The following SPOCK1 variants were observed in gnomAD, a reference collection of about 807,000 sequenced individuals.
SPOCK1 encodes testican-1.
A neutral mutation model predicts 55.3 loss-of-function variants in SPOCK1; 23 were observed. The ratio of observed to expected loss-of-function variants is 0.42; its 90% CI spans 0.30 to 0.59. SPOCK1 has a LOEUF of 0.59. Ranked by LOEUF, SPOCK1 falls within the 20% of genes least tolerant of loss-of-function variation. SPOCK1 has a pLI of 0.22. For synonymous variants in SPOCK1, 226 were observed against 221.0 expected, an observed-to-expected ratio of 1.02 and a Z score of -0.20; for missense variants, 499 against 552.5, an observed-to-expected ratio of 0.90 and a Z score of 0.97.
intron 2 of SPOCK1, among the ~76,000 whole-genome samples, chr5:137,297,908 T>C (rs1757519013): frequency 6.6e-6 from 1 of 152,094 alleles, no homozygotes; most frequent in African/African-American, 2.4e-5. Flanking sequence ...AAGAGCGTGG[T>C]ACAATTTCAA....
chr5:137,384,527 C>T (rs986950011), intron 2 of SPOCK1, among the ~76,000 whole-genome samples: 2 of 150,666 alleles, frequency 1.3e-5, no homozygotes, highest in African/African-American at 2.5e-5. Flanking sequence ...TACATGCATG[C>T]ATGCATATGT....
chr5:137,391,137 C>A (rs775586377), intron 2 of SPOCK1, among the ~76,000 whole-genome samples: 2 of 152,042 alleles, frequency 1.3e-5, no homozygotes, highest in African/African-American at 4.8e-5. Flanking sequence ...CACTTATGAG[C>A]GAGAACACGC....
At chr5:137,070,574 T>A (rs1020501430) in intron 5 of SPOCK1, among the ~76,000 whole-genome samples, 1 of 152,194 alleles carries the variant, frequency 6.6e-6, no homozygotes. Context: ...TGCTTACCAA[T>A]CTGCCTGCAC....
intron 2 of SPOCK1, among the ~76,000 whole-genome samples, chr5:137,292,453 A>C (rs1250238618): frequency 4.9e-4 from 69 of 141,166 alleles, no homozygotes; most frequent in African/African-American, 1.7e-3. Flanking sequence ...AAAAAAAAAA[A>C]AAAAAAAAAA....
At chr5:137,460,226 G>A (rs1753453313) in intron 2 of SPOCK1, among the ~76,000 whole-genome samples, 2 of 152,160 alleles carry the variant, frequency 1.3e-5, no homozygotes, top group South Asian at 4.1e-4. Context: ...TGGAGAATGA[G>A]CAATGGCTCA....
chr5:137,209,718 G>A (rs1755576874), intron 3 of SPOCK1, among the ~76,000 whole-genome samples: 1 of 152,168 alleles, frequency 6.6e-6, no homozygotes, highest in Non-Finnish European at 1.5e-5. Context: ...CAATGGCCAG[G>A]AAAGTTACAT....
intron 6 of SPOCK1, among the ~76,000 whole-genome samples, chr5:137,065,043 C>T (rs1752479785): frequency 6.6e-6 from 1 of 152,028 alleles, no homozygotes; most frequent in South Asian, 2.1e-4. Flanking sequence ...GCCTGAGCAA[C>T]ATGGCGAAAC....
At chr5:137,413,741 C>G (rs1478839987) in intron 2 of SPOCK1, among the ~76,000 whole-genome samples, 1 of 152,194 alleles carries the variant, frequency 6.6e-6, no homozygotes, top group Non-Finnish European at 1.5e-5. Flanking sequence ...AGGCTTCTGC[C>G]TCTATACAAA....
At chr5:137,465,594 A>G (rs1753602472) in intron 2 of SPOCK1, among the ~76,000 whole-genome samples, 1 of 152,092 alleles carries the variant, frequency 6.6e-6, no homozygotes, top group African/African-American at 2.4e-5. Flanking sequence ...ATCTGAAGCA[A>G]CATTTCAAAT....
At chr5:137,442,240 C>T (rs1338607094) in intron 2 of SPOCK1, among the ~76,000 whole-genome samples, 1 of 152,272 alleles carries the variant, frequency 6.6e-6, no homozygotes, top group East Asian at 1.9e-4. Flanking sequence ...GTCATGCTAG[C>T]CCTTACGAGT....
intron 2 of SPOCK1, among the ~76,000 whole-genome samples, chr5:137,367,311 A>C (rs1245911034): frequency 6.6e-6 from 1 of 152,192 alleles, no homozygotes; most frequent in Non-Finnish European, 1.5e-5. Context: ...ACCATCCCTG[A>C]ACAGTCACAC....
At chr5:137,089,786 A>G (rs1400628561) in intron 5 of SPOCK1, among the ~76,000 whole-genome samples, 3 of 152,216 alleles carry the variant, frequency 2.0e-5, no homozygotes, top group Admixed American at 2.0e-4. Context: ...TGTATTCTCA[A>G]TTGAGAATAC....
intron 6 of SPOCK1, among the ~76,000 whole-genome samples, chr5:137,030,959 C>G (rs1244778119): frequency 6.6e-6 from 1 of 152,184 alleles, no homozygotes; most frequent in African/African-American, 2.4e-5. Flanking sequence ...GGTTCCAAGG[C>G]ACTACCTATA....
At chr5:137,089,538 C>A (rs1753018253) in intron 5 of SPOCK1, among the ~76,000 whole-genome samples, 1 of 152,184 alleles carries the variant, frequency 6.6e-6, no homozygotes, top group Non-Finnish European at 1.5e-5. Flanking sequence ...ACCTGGGGAA[C>A]TGTGCTGCTG....
intron 6 of SPOCK1, among the ~76,000 whole-genome samples, chr5:137,041,401 C>T (rs1561588411): frequency 6.6e-6 from 1 of 152,096 alleles, no homozygotes; most frequent in African/African-American, 2.4e-5. Context: ...GGAAAAAAAT[C>T]TATGTGATCT....
At position 137,194,370 on chromosome 5, in the gene SPOCK1, G is replaced by A. The variant is rs984125833; in HGVS notation, c.233-53676C>T. ...GCATTAGTCAAAGAAGTGAAAGAGC[G>A]TTTCAGGGAAAGGGAACAGCTCGTA... is the stretch of plus-strand genomic sequence containing the variant. On this transcript the variant is annotated intron_variant, in intron 3 of 10. Transcript: ENST00000394945. 1.6e-4 allele frequency among the ~76,000 whole-genome samples: 24 copies of A among 152,182 alleles called. 1 individual carries two copies. The highest frequency in any genetic ancestry group is 2.8e-4 in the Non-Finnish European group (19 of 68,048).
At chr5:137,219,711 G>A (rs1755809101) in intron 3 of SPOCK1, among the ~76,000 whole-genome samples, 1 of 152,212 alleles carries the variant, frequency 6.6e-6, no homozygotes, top group Non-Finnish European at 1.5e-5. Flanking sequence ...CATGATCAAA[G>A]TATTCACTGA....
chr5:137,488,895 G>C (rs528614384), intron 2 of SPOCK1, among the ~76,000 whole-genome samples: 19 of 152,252 alleles, frequency 1.2e-4, no homozygotes, highest in Non-Finnish European at 2.2e-4. Flanking sequence ...ACAAATCCTT[G>C]TATAATATGT....
chr5:137,494,201 G>A (rs1454622709), intron 2 of SPOCK1, among the ~76,000 whole-genome samples: 1 of 152,220 alleles, frequency 6.6e-6, no homozygotes, highest in East Asian at 1.9e-4. Context: ...CTCATTATTA[G>A]AAGATAAGCC....
Sources: gnomAD v4.1 joint callset for allele counts (sites outside exome capture counted in the v4.1 genomes callset) on GRCh38, gnomAD v4.1.1 for gene constraint, MANE v1.5 for transcripts, NCBI Gene and HGNC (gene_info 2026-07-23, HGNC 2026-07-21) for gene names.